The following ZDHHC13 variants were observed in gnomAD, a reference collection of about 807,000 sequenced individuals.
The protein encoded by ZDHHC13 is palmitoyltransferase ZDHHC13.
A neutral mutation model predicts 86.0 loss-of-function variants in ZDHHC13; 85 were observed. The ratio of observed to expected loss-of-function variants is 0.99; its 90% confidence interval spans 0.83 to 1.18. The LOEUF is 1.18. ZDHHC13 is among the 50% of genes most tolerant of loss of function. The pLI, the probability that ZDHHC13 is intolerant of heterozygous loss-of-function variation, is 0.00. For synonymous variants in ZDHHC13, 263 were observed against 246.4 expected, an observed-to-expected ratio of 1.07 and a Z score of -0.63; for missense variants, 711 against 730.2, an observed-to-expected ratio of 0.97 and a Z score of 0.30.
intron 14 of ZDHHC13, chr11:19,168,171 G>A (rs947898419): frequency 6.6e-6 from 1 of 152,150 alleles, no homozygotes; most frequent in East Asian, 1.9e-4. Context: ...ACAGCGCTTG[G>A]TTCTATTGAG....
At chr11:19,172,943 C>T in intron 16 of ZDHHC13, 123 bp downstream of exon 16, 1 of 777,998 alleles carries the variant, frequency 1.3e-6, no homozygotes, top group Non-Finnish European at 1.9e-6. Flanking sequence ...GTACAGTTGA[C>T]CCCCCTTTTC....
chr11:19,133,933 ATATATATATACACGTATGTGT>A (rs1849060954), intron 1 of ZDHHC13, among the ~76,000 whole-genome samples: 1 of 95,898 alleles, frequency 1.0e-5, no homozygotes, highest in Non-Finnish European at 2.6e-5. Context: ...ATATATATAT[ATATATATATACACGTATGTGT>A]TTTATATACT....
intron 8 of ZDHHC13, among the ~76,000 whole-genome samples, 179 bp downstream of exon 8, chr11:19,152,863 A>G (rs989886637): frequency 6.6e-6 from 1 of 152,098 alleles, no homozygotes; most frequent in Non-Finnish European, 1.5e-5. Flanking sequence ...TTCATTGGCT[A>G]TTTATTGTTG....
chr11:19,146,672 G>C (rs753293862), intron 3 of ZDHHC13, among the ~76,000 whole-genome samples: 1 of 152,040 alleles, frequency 6.6e-6, no homozygotes, highest in Non-Finnish European at 1.5e-5. Context: ...AGAATAGATA[G>C]GTAGGAGATT....
In ZDHHC13 at chr11:19,170,444, A is replaced by G; in HGVS notation, c.1508A>G (p.Glu503Gly). The G allele has an allele frequency of 1.3e-6, 2 of 1,540,416 alleles. No homozygotes were observed. The highest frequency in any genetic ancestry group is 1.7e-6 in the Non-Finnish European group (2 of 1,144,252). Residue 503 changes from glutamate to glycine, a missense_variant, in exon 15 of 17, where the codon GAA becomes GGA. Transcript: ENST00000446113. Reference protein sequence around the residue: ...LSSHCATTFKEDGLWTYLNQI... With the variant: ...LSSHCATTFKGDGLWTYLNQI... The stretch of plus-strand genomic sequence containing the variant: ...AGTCATTGTGCCACAACATTCAAAG[A>G]AGATGGATTATGGACTTACCTCAAT...
intron 10 of ZDHHC13, among the ~76,000 whole-genome samples, chr11:19,159,560 A>G (rs1849853481): frequency 6.7e-6 from 1 of 150,178 alleles, no homozygotes; most frequent in African/African-American, 2.5e-5. Context: ...TACTCCTAAT[A>G]TATGCTTTAC....
At chr11:19,135,836 A>G (rs1309010769) in intron 1 of ZDHHC13, among the ~76,000 whole-genome samples, 1 of 152,204 alleles carries the variant, frequency 6.6e-6, no homozygotes, top group Non-Finnish European at 1.5e-5. Context: ...ATGGCCGGGT[A>G]CTCCAACAGA....
At chr11:19,166,488 C>T in intron 14 of ZDHHC13, 103 bp downstream of exon 14, 1 of 873,558 alleles carries the variant, frequency 1.1e-6, no homozygotes, top group East Asian at 2.8e-5. Flanking sequence ...GACTATAAAC[C>T]ATACTCCTAA....
At chr11:19,160,544 C>T (rs1849881435) in intron 10 of ZDHHC13, among the ~76,000 whole-genome samples, 1 of 151,816 alleles carries the variant, frequency 6.6e-6, no homozygotes, top group East Asian at 1.9e-4. Context: ...TTTTTGTTTA[C>T]CAATCCATAT....
At chr11:19,165,224 C>G (rs769735279) in intron 13 of ZDHHC13, 79 bp downstream of exon 13, 234 of 1,313,608 alleles carry the variant, frequency 1.8e-4, no homozygotes, top group Non-Finnish European at 2.5e-4. Context: ...AGTGGAAGGG[C>G]ATCCTAGGGC....
rs781233572 is a variant in ZDHHC13 at position 19,170,414 on chromosome 11, T to C, written c.1478T>C (p.Leu493Ser). 114 of 1,530,032 alleles carry C rather than the reference T, an allele frequency of 7.5e-5. No individual in the cohort carries two copies. Among genetic ancestry groups the C allele is most frequent in the Non-Finnish European group, 8.0e-5 (91 of 1,141,854 alleles). The allele number at this position is 1,530,032 out of a possible 1,614,324, so 94.8% of individuals were successfully genotyped here. A position where few individuals can be genotyped will look rare whatever the true frequency, so the allele number is the denominator to read the frequency against. ...TTTTTTTTTGGTGAATTCACAGATTTGTCCAGTCATTGTGCCACAACATTC... is the reference window on the plus strand; with the variant it reads ...TTTTTTTTTGGTGAATTCACAGATTCGTCCAGTCATTGTGCCACAACATTC... Reference protein sequence around the residue: ...GWIIYGSFIYLSSHCATTFKE... With the variant: ...GWIIYGSFIYSSSHCATTFKE... Residue 493 changes from leucine to serine, a missense_variant, in exon 15 of 17, where the codon TTG becomes TCG. By Grantham distance (145) the Leu-to-Ser change is moderately radical. Transcript: ENST00000446113.
intron 10 of ZDHHC13, among the ~76,000 whole-genome samples, chr11:19,160,563 A>C (rs1004811762): frequency 3.3e-5 from 5 of 152,004 alleles, no homozygotes; most frequent in Non-Finnish European, 7.3e-5. Context: ...ATGGCAGTGG[A>C]ATAAAACAGT....
At chr11:19,133,352 C>CATATATATAT (rs149739194) in intron 1 of ZDHHC13, among the ~76,000 whole-genome samples, 9 of 144,908 alleles carry the variant, frequency 6.2e-5, no homozygotes, top group African/African-American at 2.3e-4. Context: ...GAATTGTTTA[C>CATATATATAT]ATATATATAT....
chr11:19,141,085 GA>G (rs969416285), intron 1 of ZDHHC13, among the ~76,000 whole-genome samples: 26 of 149,340 alleles, frequency 1.7e-4, no homozygotes, highest in Non-Finnish European at 3.4e-4. Flanking sequence ...AAAAAAAAAA[GA>G]AAAAAAAGTA....
chr11:19,143,980 A>G (rs1438489511), intron 2 of ZDHHC13, among the ~76,000 whole-genome samples: 1 of 152,192 alleles, frequency 6.6e-6, no homozygotes, highest in Non-Finnish European at 1.5e-5. Flanking sequence ...TACCATACTA[A>G]CTTGATATAA....
chr11:19,142,363 C>T (rs1433624028), intron 1 of ZDHHC13, among the ~76,000 whole-genome samples: 1 of 152,190 alleles, frequency 6.6e-6, no homozygotes, highest in Non-Finnish European at 1.5e-5. Flanking sequence ...TTGGCTAAGA[C>T]AGAGTCTGAT....
rs571859986 is a variant in ZDHHC13 at position 19,145,278 on chromosome 11, A to G, written c.174-903A>G. Among the ~76,000 whole-genome samples the G allele has an allele frequency of 1.2e-3, 186 of 152,048 alleles. 1 individual carries two copies. Among genetic ancestry groups the G allele is most frequent in the African/African-American group, 4.4e-3 (182 of 41,442 alleles). ...AGCCCATCATTCCTTTTCTGTTCCT[A>G]TTGCTTCACTCTTACTTTAGGCTCT... On this transcript the variant is annotated intron_variant, in intron 2 of 16. Transcript: ENST00000446113.
Position 19,152,590 on chromosome 11 carries a change from A to G in ZDHHC13, c.779A>G (p.Asn260Ser), listed in dbSNP as rs1326130430. The G allele has an allele frequency of 9.3e-6, 15 of 1,612,944 alleles. No individual in the cohort carries two copies. Among genetic ancestry groups the G allele is most frequent in the Middle Eastern group, 1.6e-4 (1 of 6,080 alleles). Residue 260 changes from asparagine (N) to serine (S), a missense_variant, in exon 8 of 17, where the codon AAC becomes AGC. Asn to Ser is a conservative substitution (Grantham distance 46). Transcript: ENST00000446113. The stretch of plus-strand genomic sequence containing the variant: ...ACACCTCTTGATATGGCTCTACAAA[A>G]CAAAAATCAGCTCATTATTCATATG... ...GETPLDMALQ[N>S]KNQLIIHMLK...
chr11:19,175,086 G>A (rs1356649142), intron 16 of ZDHHC13, among the ~76,000 whole-genome samples: 1 of 152,026 alleles, frequency 6.6e-6, no homozygotes, highest in African/African-American at 2.4e-5. Flanking sequence ...CATTTAGAGA[G>A]TTACTTATAA....
Sources: allele counts gnomAD v4.1 joint callset (sites outside exome capture counted in the v4.1 genomes callset), GRCh38; gene constraint gnomAD v4.1.1; transcripts MANE v1.5; gene names NCBI Gene and HGNC (gene_info 2026-07-23, HGNC 2026-07-21).